The following PHEX variants were observed in gnomAD, a reference collection of about 807,000 sequenced individuals.
The protein encoded by PHEX is phosphate regulating endopeptidase X-linked.
Under a neutral mutation model 68.0 loss-of-function variants are expected in PHEX, and 16 were observed. The ratio of observed to expected loss-of-function variants is 0.24; its 90% CI spans 0.16 to 0.36. The LOEUF is 0.36. PHEX is among the 10% of genes least tolerant of loss of function. The pLI is 1.00. For missense variants in PHEX, 480 were observed against 575.5 expected (o/e 0.83, Z 1.70); for synonymous variants, 208 against 205.1 (o/e 1.01, Z -0.12).
At chrX:22,106,757 GGAGT>G (rs1461423226) in intron 9 of PHEX, among the ~76,000 whole-genome samples, 1 of 98,679 alleles carries the variant, frequency 1.0e-5, no homozygotes, top group Non-Finnish European at 2.0e-5. Context: ...CTGGGTGACA[GGAGT>G]GAGTGAAACT....
intron 7 of PHEX, among the ~76,000 whole-genome samples, chrX:22,095,817 T>A (rs971055623): frequency 8.9e-6 from 1 of 112,192 alleles, no homozygotes; most frequent in Non-Finnish European, 1.9e-5. Context: ...CTTTTAAAAT[T>A]AGTGGGATAC....
intron 13 of PHEX, among the ~76,000 whole-genome samples, chrX:22,173,278 C>G (rs1009555193): frequency 9.0e-6 from 1 of 111,585 alleles, no homozygotes; most frequent in Non-Finnish European, 1.9e-5. Flanking sequence ...TCCAGCCAGG[C>G]CTCTGTAACT....
intron 5 of PHEX, among the ~76,000 whole-genome samples, chrX:22,088,047 C>G (rs939896514): frequency 9.0e-6 from 1 of 111,718 alleles, no homozygotes; most frequent in African/African-American, 3.3e-5. Flanking sequence ...TCATGTTATC[C>G]CTTTGCTAAG....
intron 12 of PHEX, among the ~76,000 whole-genome samples, chrX:22,155,880 A>G (rs1377146034): frequency 8.9e-6 from 1 of 111,827 alleles, no homozygotes; most frequent in Non-Finnish European, 1.9e-5. Flanking sequence ...CATTTCTGTA[A>G]AGAGACAAAT....
At chrX:22,243,094 T>G (rs1936278960) in intron 20 of PHEX, among the ~76,000 whole-genome samples, 1 of 111,650 alleles carries the variant, frequency 9.0e-6, no homozygotes, top group African/African-American at 3.3e-5. Context: ...TGTAGACCAG[T>G]GGAATAGAAC....
At chrX:22,198,702 A>T (rs5951513) in intron 15 of PHEX, among the ~76,000 whole-genome samples, 28,613 of 110,650 alleles carry the variant, frequency 0.26, 5,012 homozygotes, top group African/African-American at 0.63. Flanking sequence ...GGAGATGATA[A>T]GTGGAAGGAA....
Position 22,076,432 on chromosome X carries a change from A to G in PHEX, c.394A>G (p.Ile132Val), listed in dbSNP as rs1297047728. The change falls in exon 4 of 22, where the codon ATA (isoleucine) becomes GTA (valine). Residue 132 changes from isoleucine to valine, a missense_variant. Coordinates refer to ENST00000379374, the MANE Select transcript of PHEX (RefSeq NM_000444.6). ...SISRRRDTEA[I>V]QKAKILYSSC... Reference sequence around the variant, plus strand: ...CAGTAGAAGGCGGGACACCGAAGCCATACAGAAAGCCAAAATCCTTTATTC... The same window carrying G: ...CAGTAGAAGGCGGGACACCGAAGCCGTACAGAAAGCCAAAATCCTTTATTC... 8.3e-7 allele frequency: 1 copy of G among 1,206,939 alleles called. No homozygotes were observed. The highest frequency in any genetic ancestry group is 1.1e-6 in the Non-Finnish European group (1 of 891,941).
intron 13 of PHEX, among the ~76,000 whole-genome samples, chrX:22,168,966 A>G (rs1933430890): frequency 8.9e-6 from 1 of 111,844 alleles, no homozygotes; most frequent in African/African-American, 3.3e-5. Context: ...AGGTGTATTA[A>G]TTACAGGCCT....
chrX:22,144,500 C>T lies in PHEX; in HGVS notation c.1404+10876C>T, dbSNP rs192564295. ...TTTATCATGCTGATTTCATCTACTC[C>T]CCTACTTGTTTTTATGCTTGAGAAT... On this transcript the variant is annotated intron_variant, in intron 12 of 21. Transcript: ENST00000379374. Among the ~76,000 whole-genome samples, 110 of 110,864 alleles carry T rather than the reference C, an allele frequency of 9.9e-4. 1 individual carries two copies. In the Admixed American group the frequency reaches 0.011, roughly 11 times the overall value.
intron 15 of PHEX, among the ~76,000 whole-genome samples, chrX:22,192,964 G>A (rs1934250498): frequency 9.0e-6 from 1 of 110,695 alleles, no homozygotes; most frequent in Non-Finnish European, 1.9e-5. Context: ...CGAAAGACAA[G>A]CAGATGGCGG....
intron 5 of PHEX, among the ~76,000 whole-genome samples, chrX:22,080,334 C>T (rs62589321): frequency 0.041 from 4,554 of 111,742 alleles, 117 homozygotes; most frequent in Middle Eastern, 0.097. Flanking sequence ...CATTGTTTGG[C>T]ATTTGAGTGC....
intron 15 of PHEX, among the ~76,000 whole-genome samples, chrX:22,203,057 G>A (rs774566172): frequency 1.4e-4 from 16 of 110,924 alleles, no homozygotes; most frequent in Non-Finnish European, 2.8e-4. Context: ...ATGCAGAAGA[G>A]GTCAGACTTG....
In PHEX at chrX:22,041,263, CTCTA is replaced by C. The variant is rs1250868394; in HGVS notation, c.187+2728_187+2731del. On this transcript the variant is annotated intron_variant, in intron 2 of 21. Coordinates refer to ENST00000379374, the MANE Select transcript of PHEX (RefSeq NM_000444.6). Reference sequence around the variant, plus strand: ...GTGATCTCTCTCTCTCTCTCTCTCTCTCTATATATATATATATATATATATATAT... The same window carrying C: ...GTGATCTCTCTCTCTCTCTCTCTCTCTATATATATATATATATATATATAT... Among the ~76,000 whole-genome samples, 19 of 65,380 alleles carry C rather than the reference CTCTA, an allele frequency of 2.9e-4. 1 individual carries two copies. The highest frequency in any genetic ancestry group is 1.1e-3 in the Admixed American group (6 of 5,248). 56.8% of individuals were successfully genotyped at this position (65,380 alleles called of 115,157 possible).
chrX:22,147,740 G>C (rs1932754777), intron 12 of PHEX, among the ~76,000 whole-genome samples: 1 of 111,656 alleles, frequency 9.0e-6, no homozygotes, highest in African/African-American at 3.3e-5. Flanking sequence ...ATGTTAGGAA[G>C]AAATAACATG....
At chrX:22,064,203 T>A (rs1391940749) in intron 3 of PHEX, among the ~76,000 whole-genome samples, 1 of 111,769 alleles carries the variant, frequency 8.9e-6, no homozygotes, top group Admixed American at 9.6e-5. Context: ...GTAGGTAAAC[T>A]TGTGACTTGG....
chrX:22,185,763 T>G lies in PHEX; in HGVS notation c.1587-4681T>G, dbSNP rs368499025. 2.1e-3 allele frequency among the ~76,000 whole-genome samples: 190 copies of G among 92,045 alleles called. 1 individual carries two copies. The highest frequency in any genetic ancestry group is 3.0e-3 in the Non-Finnish European group (143 of 47,457). 79.9% of individuals were successfully genotyped at this position (92,045 alleles called of 115,157 possible). On this transcript the variant is annotated intron_variant, in intron 14 of 21. Transcript: ENST00000379374. ...GCATGGTTCTCGTTTGTGGTTTTTTTTTTTTTTTTTGGACACAGAGTCTCA... is the reference window on the plus strand; with the variant it reads ...GCATGGTTCTCGTTTGTGGTTTTTTGTTTTTTTTTTGGACACAGAGTCTCA...
intron 3 of PHEX, among the ~76,000 whole-genome samples, chrX:22,059,357 T>C (rs781439241): frequency 8.9e-6 from 1 of 112,486 alleles, no homozygotes; most frequent in African/African-American, 3.2e-5. Flanking sequence ...TTCTACCTTA[T>C]TGCAGATGTT....
chrX:22,199,421 A>G (rs1358469878), intron 15 of PHEX, among the ~76,000 whole-genome samples: 3 of 112,201 alleles, frequency 2.7e-5, no homozygotes, highest in African/African-American at 9.7e-5. Context: ...TCAGTTACCT[A>G]TGGGCAACCA....
chrX:22,042,893 A>G (rs760470199), intron 2 of PHEX, among the ~76,000 whole-genome samples: 15 of 112,554 alleles, frequency 1.3e-4, no homozygotes, highest in Non-Finnish European at 2.6e-4. Flanking sequence ...CTTAACCCCA[A>G]ACCCAGAAAA....
Sources: gnomAD v4.1 joint callset for allele counts (sites outside exome capture counted in the v4.1 genomes callset) on GRCh38, gnomAD v4.1.1 for gene constraint, MANE v1.5 for transcripts, NCBI Gene and HGNC (gene_info 2026-07-23, HGNC 2026-07-21) for gene names.